Variants in ANO10 observed in about 807,000 individuals in gnomAD.
ANO10 encodes the protein anoctamin-10.
In ANO10, 77 loss-of-function variants were observed where a neutral mutation model predicts 74.7. The observed-to-expected ratio is 1.03, with a 90% CI of 0.86 to 1.25. The LOEUF (loss-of-function observed/expected upper bound fraction) is 1.25, where lower values mean the gene tolerates loss of function less well. Among genes scored for constraint, ANO10 ranks in the 50% most tolerant of loss-of-function variants. The pLI, the probability that ANO10 is intolerant of heterozygous loss-of-function variation, is 0.00. For missense variants in ANO10, 721 were observed against 778.1 expected (o/e 0.93, Z 0.87); for synonymous variants, 279 against 284.9 (o/e 0.98, Z 0.21).
rs138658710 is a variant in ANO10, at chr3:43,546,349, A to G, written c.1797+3371T>C. ...TAGTAGTCTCACACCTCCTGATTTC[A>G]AAACATACTACAAAGCTATGGAAAT... On this transcript the variant is annotated intron_variant, in intron 11 of 12. Coordinates refer to ENST00000292246, the MANE Select transcript of ANO10 (RefSeq NM_018075.5). Among the ~76,000 whole-genome samples the G allele has an allele frequency of 3.0e-3, 453 of 152,360 alleles. 1 individual carries two copies. Among genetic ancestry groups the G allele is most frequent in the African/African-American group, 0.011 (437 of 41,586 alleles).
chr3:43,613,018 A>G (rs2149518986), intron 1 of ANO10, among the ~76,000 whole-genome samples: 1 of 152,208 alleles, frequency 6.6e-6, no homozygotes, highest in East Asian at 1.9e-4. Flanking sequence ...AAATACAAAA[A>G]TTAGCCAGGC....
upstream of ANO10, among the ~76,000 whole-genome samples, chr3:43,625,073 CA>C (rs750480253): frequency 3.3e-5 from 5 of 152,304 alleles, no homozygotes; most frequent in African/African-American, 4.8e-5. Context: ...TCCCTTTTCC[CA>C]ACTCCTCTGT....
chr3:43,552,192 A>T (rs1473504811), intron 10 of ANO10, among the ~76,000 whole-genome samples: 1 of 152,038 alleles, frequency 6.6e-6, no homozygotes, highest in Non-Finnish European at 1.5e-5. Context: ...CAGAAACCTT[A>T]CCTCCCTCTA....
At chr3:43,592,485 A>G (rs1182341834) in intron 4 of ANO10, among the ~76,000 whole-genome samples, 2 of 152,252 alleles carry the variant, frequency 1.3e-5, no homozygotes, top group Non-Finnish European at 2.9e-5. Flanking sequence ...CCAGGCAAAC[A>G]GGGTCTGGAG....
At chr3:43,408,484 C>T (rs1323259028) in intron 12 of ANO10, among the ~76,000 whole-genome samples, 5 of 152,080 alleles carry the variant, frequency 3.3e-5, no homozygotes, top group African/African-American at 9.7e-5. Flanking sequence ...TTTCACTTCC[C>T]GACCTGCTCC....
At chr3:43,572,682 A>G (rs2080795693) in intron 7 of ANO10, among the ~76,000 whole-genome samples, 2 of 152,142 alleles carry the variant, frequency 1.3e-5, no homozygotes, top group Non-Finnish European at 2.9e-5. Context: ...TCAAGAACCT[A>G]TAGCTTACTT....
intron 1 of ANO10, among the ~76,000 whole-genome samples, chr3:43,608,277 C>A (rs565840244): frequency 7.1e-4 from 108 of 152,226 alleles, no homozygotes; most frequent in African/African-American, 2.5e-3. Context: ...AATATTATGG[C>A]TACTCCAAAA....
intron 1 of ANO10, among the ~76,000 whole-genome samples, chr3:43,688,883 T>C (rs1421234827): frequency 1.3e-5 from 2 of 151,548 alleles, no homozygotes; most frequent in Non-Finnish European, 2.9e-5. Flanking sequence ...ACTGGGTAAT[T>C]TATAAAGAAA....
intron 11 of ANO10, among the ~76,000 whole-genome samples, chr3:43,518,160 T>G (rs2077791382): frequency 6.6e-6 from 1 of 152,190 alleles, no homozygotes; most frequent in South Asian, 2.1e-4. Flanking sequence ...AGGGACCTGC[T>G]GAAGCTGTGA....
chr3:43,415,272 C>T (rs563042583), intron 12 of ANO10, among the ~76,000 whole-genome samples: 3 of 151,508 alleles, frequency 2.0e-5, no homozygotes, highest in Admixed American at 6.6e-5. Context: ...CCACCGTGCC[C>T]GGCTGTGCCC....
chr3:43,502,569 G>A (rs1014003388), intron 11 of ANO10, among the ~76,000 whole-genome samples: 4 of 152,156 alleles, frequency 2.6e-5, no homozygotes, highest in African/African-American at 9.7e-5. Flanking sequence ...TTCTTGTACA[G>A]CCTGCAGAAC....
intron 2 of ANO10, among the ~76,000 whole-genome samples, chr3:43,602,589 G>A (rs2082385763): frequency 1.3e-5 from 2 of 152,184 alleles, no homozygotes; most frequent in South Asian, 4.1e-4. Context: ...GCCCGCCTTG[G>A]CCTCCCAAAG....
At chr3:43,395,449 C>T (rs918233708) in intron 12 of ANO10, among the ~76,000 whole-genome samples, 4 of 152,088 alleles carry the variant, frequency 2.6e-5, no homozygotes, top group South Asian at 2.1e-4. Flanking sequence ...TTTACATCTA[C>T]GTCTATAATC....
chr3:43,597,505 C>T (rs970944249), intron 4 of ANO10, among the ~76,000 whole-genome samples: 9 of 152,012 alleles, frequency 5.9e-5, no homozygotes, highest in Non-Finnish European at 1.0e-4. Context: ...AGCAAACTAT[C>T]GCAAGGACAG....
intron 4 of ANO10, 149 bp downstream of exon 4, chr3:43,598,383 T>C (rs983581513): frequency 4.0e-5 from 29 of 722,690 alleles, no homozygotes; most frequent in African/African-American, 8.9e-5. Flanking sequence ...AAAGATGCAA[T>C]ATACTGAGGT....
chr3:43,567,512 G>C (rs1575445500), intron 7 of ANO10, among the ~76,000 whole-genome samples: 1 of 152,082 alleles, frequency 6.6e-6, no homozygotes, highest in African/African-American at 2.4e-5. Flanking sequence ...AGCCAGAAGA[G>C]AGTGGGGGCC....
intron 12 of ANO10, among the ~76,000 whole-genome samples, chr3:43,426,982 T>C (rs1377224357): frequency 2.0e-5 from 3 of 151,966 alleles, no homozygotes; most frequent in Non-Finnish European, 4.4e-5. Flanking sequence ...CCACCACCAC[T>C]CCTCCTGTCA....
intron 11 of ANO10, among the ~76,000 whole-genome samples, chr3:43,491,060 T>C (rs185435625): frequency 1.3e-5 from 2 of 152,234 alleles, no homozygotes; most frequent in Non-Finnish European, 2.9e-5. Flanking sequence ...CAGGGACATT[T>C]GACTGGTAAG....
intron 11 of ANO10, among the ~76,000 whole-genome samples, chr3:43,463,465 G>A (rs2075476945): frequency 6.6e-6 from 1 of 152,172 alleles, no homozygotes; most frequent in Admixed American, 6.5e-5. Flanking sequence ...TATGCTCAAT[G>A]CTAAGTACCT....
Sources: allele counts gnomAD v4.1 joint callset (sites outside exome capture counted in the v4.1 genomes callset), GRCh38; gene constraint gnomAD v4.1.1; transcripts MANE v1.5; gene names NCBI Gene and HGNC (gene_info 2026-07-23, HGNC 2026-07-21).